The following TENM1 variants were observed in gnomAD, a reference collection of about 807,000 sequenced individuals.
TENM1 encodes the protein teneurin-1.
TENM1 carries 35 observed loss-of-function variants against 174.8 expected under a neutral mutation model. That is an observed-to-expected ratio of 0.20 (90% CI 0.15 to 0.27). The LOEUF (loss-of-function observed/expected upper bound fraction) is 0.27, where lower values mean the gene tolerates loss of function less well. Ranked by LOEUF, TENM1 falls within the 10% of genes least tolerant of loss-of-function variation. The pLI is 1.00. For synonymous variants in TENM1, 781 were observed against 798.7 expected, an observed-to-expected ratio of 0.98 and a Z score of 0.37; for missense variants, 1,633 against 2,130.1, an observed-to-expected ratio of 0.77 and a Z score of 4.59.
exon 32 of TENM1, chrX:124,381,219 G>T: frequency 8.3e-7 from 1 of 1,206,076 alleles, no homozygotes; most frequent in Non-Finnish European, 1.1e-6. Context: ...TTGTATCGGG[G>T]AGTCATAGGT....
intron 23 of TENM1, among the ~76,000 whole-genome samples, chrX:124,438,572 G>A (rs1295461649): frequency 8.9e-6 from 1 of 111,853 alleles, no homozygotes; most frequent in Admixed American, 9.5e-5. Context: ...TGTCCTTTGT[G>A]TGGAAAGAGG....
chrX:124,716,934 C>A (rs905981681), intron 4 of TENM1, among the ~76,000 whole-genome samples: 1 of 111,125 alleles, frequency 9.0e-6, no homozygotes, highest in East Asian at 2.8e-4. Context: ...GTTAAAGGCA[C>A]CTTTTTTTTT....
At chrX:124,730,965 T>C (rs1020325162) in intron 4 of TENM1, among the ~76,000 whole-genome samples, 1 of 111,604 alleles carries the variant, frequency 9.0e-6, no homozygotes, top group Non-Finnish European at 1.9e-5. Context: ...TGGGAAGTTA[T>C]TATATTTTAT....
At chrX:125,088,678 T>C in the TENM1 span, among the ~76,000 whole-genome samples, 3 of 110,691 alleles carry the variant, frequency 2.7e-5, no homozygotes, top group East Asian at 8.6e-4. Context: ...AAAATGAGTA[T>C]ACAGACAAAA....
chrX:124,586,643 T>C (rs1238541360), intron 11 of TENM1, among the ~76,000 whole-genome samples: 9 of 107,893 alleles, frequency 8.3e-5, no homozygotes, highest in South Asian at 8.4e-4. Context: ...AGGGATGCCC[T>C]CTCTCACCAC....
chrX:125,077,295 C>G, the TENM1 span, among the ~76,000 whole-genome samples: 2 of 110,994 alleles, frequency 1.8e-5, no homozygotes, highest in African/African-American at 6.5e-5. Context: ...AACATATATA[C>G]AGTTAATAAT....
intron 23 of TENM1, 35 bp from the exon 27 acceptor site, chrX:124,422,673 C>T (rs1186432454): frequency 3.5e-6 from 4 of 1,156,060 alleles, no homozygotes; most frequent in South Asian, 4.0e-5. Context: ...CATTAGGTTA[C>T]CATGTCTTTC....
the TENM1 span, among the ~76,000 whole-genome samples, chrX:125,123,424 AAAAAT>A: frequency 3.5e-3 from 333 of 94,999 alleles, 2 homozygotes; most frequent in South Asian, 0.012. Context: ...ATCTCTACAA[AAAAAT>A]AAAATAAAAT....
At chrX:124,814,244 G>C (rs921290745) in intron 3 of TENM1, among the ~76,000 whole-genome samples, 3 of 111,726 alleles carry the variant, frequency 2.7e-5, no homozygotes, top group Non-Finnish European at 5.7e-5. Flanking sequence ...ACTAGGCTAT[G>C]TTAGGACAAA....
At chrX:125,026,441 C>A in the TENM1 span, among the ~76,000 whole-genome samples, 1 of 111,733 alleles carries the variant, frequency 8.9e-6, no homozygotes, top group African/African-American at 3.2e-5. Context: ...CCAGCTCAGA[C>A]AATTTTAAAT....
At chrX:124,553,987 T>C (rs1291291542) in intron 14 of TENM1, among the ~76,000 whole-genome samples, 1 of 110,973 alleles carries the variant, frequency 9.0e-6, no homozygotes, top group East Asian at 2.8e-4. Flanking sequence ...CATGCACCTA[T>C]AGTTACAGCT....
rs185605814 is a variant in TENM1, at chrX:124,961,573, G to A, written c.217+1964C>T. ...GCACGAGAATCACTTGAGCCTACGAGGCAGAGGTTGCAGTGAGCCAAGATC... is the reference window on the plus strand; with the variant it reads ...GCACGAGAATCACTTGAGCCTACGAAGCAGAGGTTGCAGTGAGCCAAGATC... On this transcript the variant is annotated intron_variant, in intron 1 of 31. Transcript: ENST00000422452. Among the ~76,000 whole-genome samples, 36 of 111,569 alleles carry A rather than the reference G, an allele frequency of 3.2e-4. No homozygotes were observed. The East Asian group carries it at 6.5e-3, about 20-fold the overall frequency.
chrX:125,006,981 T>C, the TENM1 span, among the ~76,000 whole-genome samples: 1 of 111,397 alleles, frequency 9.0e-6, no homozygotes, highest in African/African-American at 3.3e-5. Flanking sequence ...CTCCAAATGA[T>C]TGCAACACCC....
chrX:124,931,869 A>ACG (rs916698830), intron 1 of TENM1, among the ~76,000 whole-genome samples: 7 of 98,325 alleles, frequency 7.1e-5, no homozygotes, highest in Middle Eastern at 5.4e-3. Flanking sequence ...CGCCAAGCGC[A>ACG]CGCACACACA....
At chrX:124,682,261 A>ATT (rs2052252974) in intron 5 of TENM1, among the ~76,000 whole-genome samples, 1 of 111,939 alleles carries the variant, frequency 8.9e-6, no homozygotes, top group African/African-American at 3.2e-5. Context: ...GATTCCAGAA[A>ATT]TTAGAGCATC....
At chrX:124,493,578 T>C (rs997536076) in intron 20 of TENM1, among the ~76,000 whole-genome samples, 8 of 111,470 alleles carry the variant, frequency 7.2e-5, no homozygotes, top group African/African-American at 2.0e-4. Flanking sequence ...AGATGTTGAA[T>C]GAATTGTTCA....
chrX:124,560,763 T>C (rs2048801560), intron 14 of TENM1, among the ~76,000 whole-genome samples: 1 of 112,152 alleles, frequency 8.9e-6, no homozygotes, highest in Non-Finnish European at 1.9e-5. Context: ...GATATAGAAA[T>C]GTGAAGTGTC....
intron 3 of TENM1, among the ~76,000 whole-genome samples, chrX:124,858,358 A>C (rs958165644): frequency 9.8e-5 from 11 of 111,947 alleles, no homozygotes; most frequent in African/African-American, 3.6e-4. Context: ...TTGCTCTTAT[A>C]GAACTCTTCC....
At chrX:124,989,321 G>T in the TENM1 span, among the ~76,000 whole-genome samples, 1 of 111,184 alleles carries the variant, frequency 9.0e-6, no homozygotes, top group African/African-American at 3.3e-5. Flanking sequence ...TATTTTTAAA[G>T]AATTAACAAA....
Sources: gnomAD v4.1 joint callset for allele counts (sites outside exome capture counted in the v4.1 genomes callset) on GRCh38, gnomAD v4.1.1 for gene constraint, MANE v1.5 for transcripts, NCBI Gene and HGNC (gene_info 2026-07-23, HGNC 2026-07-21) for gene names.